Variants in RBFOX1 observed in about 807,000 individuals in gnomAD.
RBFOX1 encodes the protein RNA binding protein fox-1 homolog 1.
Under a neutral mutation model 57.7 loss-of-function variants are expected in RBFOX1, and 8 were observed. That is an observed-to-expected ratio of 0.14 (90% CI 0.08 to 0.25). The LOEUF (loss-of-function observed/expected upper bound fraction) is 0.25, where lower values mean the gene tolerates loss of function less well. Among genes scored for constraint, RBFOX1 ranks in the 10% least tolerant of loss-of-function variants. The pLI, the probability that RBFOX1 is intolerant of heterozygous loss-of-function variation, is 1.00. For missense variants in RBFOX1, 611 were observed against 548.5 expected, an observed-to-expected ratio of 1.11 and a Z score of -1.14; for synonymous variants, 326 against 222.4, an observed-to-expected ratio of 1.47 and a Z score of -4.15.
At chr16:5,450,036 G>A (rs1385804337) in intron 1 of RBFOX1, among the ~76,000 whole-genome samples, 1 of 152,188 alleles carries the variant, frequency 6.6e-6, no homozygotes, top group Non-Finnish European at 1.5e-5. Context: ...GCAAGGTACT[G>A]GGGTAAGTGC....
At chr16:6,977,011 CAT>C (rs964362009) in intron 3 of RBFOX1, among the ~76,000 whole-genome samples, 1 of 142,108 alleles carries the variant, frequency 7.0e-6, no homozygotes, top group African/African-American at 2.6e-5. Flanking sequence ...TATTGTATAT[CAT>C]ATGTATCATG....
At chr16:5,393,138 G>T (rs1218836261) in intron 1 of RBFOX1, among the ~76,000 whole-genome samples, 3 of 152,088 alleles carry the variant, frequency 2.0e-5, no homozygotes, top group East Asian at 3.9e-4. Flanking sequence ...GATGGAAATG[G>T]ACTCTTGTTC....
chr16:5,886,013 T>G (rs1414902331), intron 4 of RBFOX1, among the ~76,000 whole-genome samples: 3 of 152,108 alleles, frequency 2.0e-5, no homozygotes, highest in Admixed American at 6.5e-5. Context: ...TCTGGTTGTT[T>G]AAACGTGGGT....
At chr16:6,886,600 A>G (rs1354320301) in intron 3 of RBFOX1, among the ~76,000 whole-genome samples, 2 of 151,888 alleles carry the variant, frequency 1.3e-5, no homozygotes, top group East Asian at 3.9e-4. Flanking sequence ...TAAAAATAGA[A>G]AAAAATTAGC....
intron 3 of RBFOX1, among the ~76,000 whole-genome samples, chr16:6,850,093 C>T (rs61547341): frequency 8.5e-5 from 13 of 152,274 alleles, no homozygotes; most frequent in Admixed American, 6.5e-5. Flanking sequence ...GACATGGACT[C>T]TTAAGTATTT....
intron 2 of RBFOX1, among the ~76,000 whole-genome samples, chr16:6,552,340 G>C (rs1404475139): frequency 6.6e-6 from 1 of 152,090 alleles, no homozygotes; most frequent in Non-Finnish European, 1.5e-5. Flanking sequence ...GCCCAGTTTT[G>C]GGGACTGAAA....
rs1029179799 is a variant in RBFOX1, at chr16:5,594,973, A to G, written c.259-3929A>G. 6.2e-3 allele frequency among the ~76,000 whole-genome samples: 643 copies of G among 104,186 alleles called. 4 individuals are homozygous for G. The highest frequency in any genetic ancestry group is 0.022 in the African/African-American group (618 of 28,632). 68.4% of individuals were successfully genotyped at this position (104,186 alleles called of 152,430 possible). A position where few individuals can be genotyped will look rare whatever the true frequency, so the allele number is the denominator to read the frequency against. ...ATGGTAAAACCCTGTCTCTACTAAA[A>G]AAAAAAAAAAAAAAAAAAAAAAATT... is the stretch of plus-strand genomic sequence containing the variant. On this transcript the variant is annotated intron_variant, in intron 2 of 2. Transcript: ENST00000585867.
chr16:6,871,957 GTGTGTT>G (rs1190370569), intron 3 of RBFOX1, among the ~76,000 whole-genome samples: 3 of 128,870 alleles, frequency 2.3e-5, no homozygotes, highest in South Asian at 4.9e-4. Context: ...GTGTGTGTGT[GTGTGTT>G]TCCCTCGGTA....
intron 1 of RBFOX1, among the ~76,000 whole-genome samples, chr16:6,198,289 A>G (rs150944639): frequency 3.8e-4 from 58 of 152,322 alleles, no homozygotes; most frequent in Admixed American, 1.4e-3. Flanking sequence ...ATTTGAGTAG[A>G]TAAAAAGGAG....
At chr16:6,240,335 T>C (rs917459591) in intron 1 of RBFOX1, among the ~76,000 whole-genome samples, 1 of 152,178 alleles carries the variant, frequency 6.6e-6, no homozygotes, top group Non-Finnish European at 1.5e-5. Flanking sequence ...TCCAAGGTTA[T>C]TGAGGTAGTT....
At chr16:7,336,359 G>C (rs1411088088) in intron 4 of RBFOX1, among the ~76,000 whole-genome samples, 1 of 152,184 alleles carries the variant, frequency 6.6e-6, no homozygotes, top group Non-Finnish European at 1.5e-5. Flanking sequence ...ATGCCCTTGG[G>C]CCATACATGG....
chr16:5,467,389 C>A, intron 2 of RBFOX1: 1 of 778,626 alleles, frequency 1.3e-6, no homozygotes, highest in South Asian at 2.0e-5. Context: ...CAGCACAGTT[C>A]ATCCCTTAGC....
chr16:7,168,169 T>C (rs1382483), intron 4 of RBFOX1, among the ~76,000 whole-genome samples: 140,114 of 152,270 alleles, frequency 0.92, 64,521 homozygotes, highest in East Asian at 1. Flanking sequence ...TTATCAATGA[T>C]GGCTTTTCTA....
At chr16:6,108,018 T>C (rs2096402862) in intron 1 of RBFOX1, among the ~76,000 whole-genome samples, 2 of 152,170 alleles carry the variant, frequency 1.3e-5, no homozygotes, top group South Asian at 4.1e-4. Context: ...TACCTTTTGC[T>C]GTTAATTCTG....
At chr16:6,168,013 G>C (rs1425781935) in intron 1 of RBFOX1, among the ~76,000 whole-genome samples, 1 of 152,178 alleles carries the variant, frequency 6.6e-6, no homozygotes, top group African/African-American at 2.4e-5. Flanking sequence ...ATTAGAGCTT[G>C]GCTTGGCTTT....
chr16:7,289,394 C>A lies in RBFOX1; in HGVS notation c.28-228753C>A, dbSNP rs545155223. On this transcript the variant is annotated intron_variant, in intron 4 of 15. Coordinates refer to ENST00000550418, the MANE Select transcript of RBFOX1 (RefSeq NM_018723.4). ...AGTAGCCAGATTATCATTACCGATA[C>A]CAACATTACCACCACCATTATCATC... Among the ~76,000 whole-genome samples the A allele has an allele frequency of 1.6e-4, 25 of 152,062 alleles. No homozygotes were observed. The South Asian group carries it at 5.0e-3, about 30-fold the overall frequency.
chr16:5,736,746 G>C (rs1333376801), intron 3 of RBFOX1, among the ~76,000 whole-genome samples: 1 of 151,272 alleles, frequency 6.6e-6, no homozygotes, highest in African/African-American at 2.4e-5. Context: ...ATCTGTGTGT[G>C]TCTGTCTCTT....
intron 3 of RBFOX1, among the ~76,000 whole-genome samples, chr16:7,033,430 G>C (rs2043335587): frequency 6.6e-6 from 1 of 152,196 alleles, no homozygotes; most frequent in Non-Finnish European, 1.5e-5. Flanking sequence ...TGAGGCAGGA[G>C]ATTCGCTTGA....
At chr16:6,493,776 T>C (rs551885428) in intron 2 of RBFOX1, among the ~76,000 whole-genome samples, 2 of 152,344 alleles carry the variant, frequency 1.3e-5, no homozygotes, top group South Asian at 2.1e-4. Flanking sequence ...TTCAGATTGC[T>C]TCAGAAACCT....
Sources: allele counts gnomAD v4.1 joint callset (sites outside exome capture counted in the v4.1 genomes callset), GRCh38; gene constraint gnomAD v4.1.1; transcripts MANE v1.5; gene names NCBI Gene and HGNC (gene_info 2026-07-23, HGNC 2026-07-21).